The following NKAIN2 variants were observed in gnomAD, a reference collection of about 807,000 sequenced individuals.
NKAIN2 encodes the protein sodium/potassium-transporting ATPase subunit beta-1-interacting protein 2.
NKAIN2 carries 14 observed loss-of-function variants against 32.6 expected under a neutral mutation model. The observed-to-expected ratio is 0.43, with a 90% CI of 0.28 to 0.67. NKAIN2 has a LOEUF of 0.67. Ranked by LOEUF, NKAIN2 falls within the 30% of genes least tolerant of loss-of-function variation. NKAIN2 has a pLI of 0.17. For synonymous variants in NKAIN2, 80 were observed against 87.2 expected (o/e 0.92, Z 0.46); for missense variants, 198 against 258.3 (o/e 0.77, Z 1.60).
intron 1 of NKAIN2, among the ~76,000 whole-genome samples, chr6:124,043,705 T>A (rs1323998279): frequency 1.3e-5 from 2 of 152,076 alleles, no homozygotes; most frequent in Non-Finnish European, 2.9e-5. Flanking sequence ...ATTATGGAGT[T>A]TGAAGAGGAT....
At chr6:124,168,009 A>T (rs1308091030) in intron 1 of NKAIN2, among the ~76,000 whole-genome samples, 1 of 152,204 alleles carries the variant, frequency 6.6e-6, no homozygotes, top group Non-Finnish European at 1.5e-5. Flanking sequence ...TGTGGTACCC[A>T]CATAAAAAAC....
At chr6:124,298,959 C>G (rs1318671290) in intron 2 of NKAIN2, among the ~76,000 whole-genome samples, 1 of 152,144 alleles carries the variant, frequency 6.6e-6, no homozygotes, top group African/African-American at 2.4e-5. Flanking sequence ...AGGCTTTGTC[C>G]TTAGTAAAGA....
At chr6:123,944,315 T>C (rs1776969602) in intron 1 of NKAIN2, among the ~76,000 whole-genome samples, 1 of 152,056 alleles carries the variant, frequency 6.6e-6, no homozygotes, top group Admixed American at 6.6e-5. Context: ...ACTATGAAGA[T>C]TATGAGATTC....
chr6:123,922,534 G>T (rs2114494910), intron 1 of NKAIN2, among the ~76,000 whole-genome samples: 1 of 152,104 alleles, frequency 6.6e-6, no homozygotes, highest in Non-Finnish European at 1.5e-5. Context: ...TCTTTTTGTT[G>T]CTTGCCTAAT....
intron 4 of NKAIN2, among the ~76,000 whole-genome samples, chr6:124,718,057 C>CT (rs1228343600): frequency 6.6e-6 from 1 of 151,960 alleles, no homozygotes; most frequent in African/African-American, 2.4e-5. Flanking sequence ...TGCACGTTGT[C>CT]TTTTTTTTAA....
At chr6:124,602,596 C>T (rs776114584) in intron 3 of NKAIN2, among the ~76,000 whole-genome samples, 41 of 151,826 alleles carry the variant, frequency 2.7e-4, no homozygotes, top group Non-Finnish European at 5.9e-4. Context: ...GGGAAAGAAA[C>T]GAAAAAGCTA....
At chr6:124,670,645 C>CTCTGTGTGTGTGTG (rs1436735758) in intron 4 of NKAIN2, among the ~76,000 whole-genome samples, 1 of 123,798 alleles carries the variant, frequency 8.1e-6, no homozygotes, top group South Asian at 2.9e-4. Context: ...TCTTTGCTTT[C>CTCTGTGTGTGTGTG]TGTGTGTGTG....
At chr6:123,891,614 A>G (rs2114374564) in intron 1 of NKAIN2, among the ~76,000 whole-genome samples, 1 of 152,310 alleles carries the variant, frequency 6.6e-6, no homozygotes, top group Non-Finnish European at 1.5e-5. Flanking sequence ...TTAGCTGTGT[A>G]AAGTTGTGAT....
intron 1 of NKAIN2, among the ~76,000 whole-genome samples, chr6:124,018,529 A>G (rs1780700141): frequency 6.6e-6 from 1 of 152,082 alleles, no homozygotes; most frequent in Admixed American, 6.6e-5. Flanking sequence ...TTCTTTCTCC[A>G]GATACTCTAA....
At chr6:124,427,417 A>C (rs1267268062) in intron 3 of NKAIN2, among the ~76,000 whole-genome samples, 1 of 152,218 alleles carries the variant, frequency 6.6e-6, no homozygotes, top group African/African-American at 2.4e-5. Context: ...TGATGATTTC[A>C]TACTTGTATG....
At chr6:124,217,771 GTA>G (rs200796099) in intron 1 of NKAIN2, among the ~76,000 whole-genome samples, 1,647 of 131,120 alleles carry the variant, frequency 0.013, 31 homozygotes, top group South Asian at 0.056. Flanking sequence ...GTAGATATAT[GTA>G]TATATATATA....
At chr6:124,074,729 C>A (rs1480100857) in intron 1 of NKAIN2, among the ~76,000 whole-genome samples, 1 of 152,144 alleles carries the variant, frequency 6.6e-6, no homozygotes, top group African/African-American at 2.4e-5. Flanking sequence ...AAATCTTAAT[C>A]CTTGTTTAGC....
chr6:124,591,471 G>T (rs1781909957), intron 3 of NKAIN2, among the ~76,000 whole-genome samples: 2 of 152,082 alleles, frequency 1.3e-5, no homozygotes, highest in African/African-American at 4.8e-5. Flanking sequence ...ATATTTCAAA[G>T]CCTAGAGCCA....
intron 3 of NKAIN2, among the ~76,000 whole-genome samples, chr6:124,589,936 T>C (rs1328040571): frequency 6.6e-6 from 1 of 152,148 alleles, no homozygotes; most frequent in Non-Finnish European, 1.5e-5. Context: ...TGTTTGGTTT[T>C]CTGTTCTTAT....
chr6:124,381,971 A>T (rs901166155), intron 3 of NKAIN2, among the ~76,000 whole-genome samples: 7 of 152,206 alleles, frequency 4.6e-5, no homozygotes, highest in Non-Finnish European at 7.4e-5. Flanking sequence ...CACATCAAAC[A>T]AATTGATCAC....
intron 4 of NKAIN2, among the ~76,000 whole-genome samples, chr6:124,757,309 G>A (rs535956929): frequency 1.1e-3 from 163 of 152,108 alleles, no homozygotes; most frequent in Non-Finnish European, 2.1e-3. Context: ...TCATTGACAG[G>A]CATCATTTGC....
Position 124,475,696 on chromosome 6 carries a change from G to C in NKAIN2, c.273+120349G>C, listed in dbSNP as rs114821566. Among the ~76,000 whole-genome samples, 1,173 of 152,172 alleles carry C rather than the reference G, an allele frequency of 7.7e-3. 15 individuals are homozygous for C. Among genetic ancestry groups the C allele is most frequent in the African/African-American group, 0.027 (1,122 of 41,516 alleles). ...ATATTAATAATGACAGGTGGTGCTGGAGATAATTTTAACCAGATTATGGTG... is the reference window on the plus strand; with the variant it reads ...ATATTAATAATGACAGGTGGTGCTGCAGATAATTTTAACCAGATTATGGTG... On this transcript the variant is annotated intron_variant, in intron 3 of 6. Transcript: ENST00000368417.
In NKAIN2 at chr6:124,634,079, T is replaced by C. The variant is rs116441587; in HGVS notation, c.274-24107T>C. On this transcript the variant is annotated intron_variant, in intron 3 of 6. Coordinates refer to ENST00000368417, the MANE Select transcript of NKAIN2 (RefSeq NM_001040214.3). ...AAAGCACTCTACCCAATGAACACCATAGATACATCTACAGGGGAAAAAAAA... is the reference window on the plus strand; with the variant it reads ...AAAGCACTCTACCCAATGAACACCACAGATACATCTACAGGGGAAAAAAAA... Among the ~76,000 whole-genome samples the C allele has an allele frequency of 4.7e-3, 714 of 151,280 alleles. 1 individual carries two copies. The highest frequency in any genetic ancestry group is 0.017 in the African/African-American group (680 of 41,166).
intron 4 of NKAIN2, among the ~76,000 whole-genome samples, chr6:124,775,449 C>T (rs998759524): frequency 6.6e-6 from 1 of 152,166 alleles, no homozygotes; most frequent in Non-Finnish European, 1.5e-5. Context: ...ACGAAACCTA[C>T]ATTATAAATT....
Sources: allele counts gnomAD v4.1 joint callset (sites outside exome capture counted in the v4.1 genomes callset), GRCh38; gene constraint gnomAD v4.1.1; transcripts MANE v1.5; gene names NCBI Gene and HGNC (gene_info 2026-07-23, HGNC 2026-07-21).